BLOC1S6: variants seen among roughly 807,000 people sequenced by gnomAD.
The protein encoded by BLOC1S6 is biogenesis of lysosomal organelles complex 1 subunit 6.
Under a neutral mutation model 24.7 loss-of-function variants are expected in BLOC1S6, and 24 were observed. The observed-to-expected ratio is 0.97, with a 90% CI of 0.70 to 1.37. The LOEUF is 1.37. BLOC1S6 is among the 40% of genes most tolerant of loss of function. The probability of loss-of-function intolerance (pLI) is 0.00; values close to 1 mark genes in which losing one functional copy is unlikely to be tolerated. For synonymous variants in BLOC1S6, 76 were observed against 72.6 expected (o/e 1.05, Z -0.23); for missense variants, 175 against 196.2 (o/e 0.89, Z 0.64).
At chr15:45,602,908 C>T (rs1287432227) in intron 2 of BLOC1S6, among the ~76,000 whole-genome samples, 192 bp from the exon 3 acceptor site, 2 of 152,168 alleles carry the variant, frequency 1.3e-5, no homozygotes, top group South Asian at 2.1e-4. Flanking sequence ...ATAAAAGACA[C>T]ATTTAGTTAT....
At chr15:45,602,141 C>T (rs1894292933) in intron 2 of BLOC1S6, among the ~76,000 whole-genome samples, 1 of 152,078 alleles carries the variant, frequency 6.6e-6, no homozygotes, top group Non-Finnish European at 1.5e-5. Context: ...AGCAATCCTC[C>T]TTCCTTGGCC....
chr15:45,606,216 T>C (rs1303137506), intron 4 of BLOC1S6, among the ~76,000 whole-genome samples, 179 bp from the exon 5 acceptor site: 2 of 152,210 alleles, frequency 1.3e-5, no homozygotes, highest in East Asian at 1.9e-4. Context: ...AATAAGAGTT[T>C]AGAGCAACAA....
At chr15:45,588,009 C>A in intron 1 of BLOC1S6, 1 of 531,030 alleles carries the variant, frequency 1.9e-6, no homozygotes, top group Non-Finnish European at 3.3e-6. Context: ...CCTAAGGCAT[C>A]CATTGAATGG....
intron 1 of BLOC1S6, chr15:45,587,738 G>C (rs1893734675): frequency 2.8e-6 from 2 of 706,112 alleles, no homozygotes; most frequent in Admixed American, 4.0e-5. Context: ...GCTTTGTATT[G>C]GGGGTGCAAT....
chr15:45,596,651 T>C (rs1894089205), intron 2 of BLOC1S6, among the ~76,000 whole-genome samples: 1 of 152,006 alleles, frequency 6.6e-6, no homozygotes, highest in South Asian at 2.1e-4. Context: ...TACCATGCTG[T>C]CTTGATTTCT....
At chr15:45,589,158 A>G (rs1287883811) in intron 1 of BLOC1S6, among the ~76,000 whole-genome samples, 1 of 152,236 alleles carries the variant, frequency 6.6e-6, no homozygotes, top group Non-Finnish European at 1.5e-5. Flanking sequence ...CTATGGTAGA[A>G]TTCTATTCTG....
At chr15:45,600,075 G>A (rs1427619874) in intron 2 of BLOC1S6, among the ~76,000 whole-genome samples, 11 of 143,504 alleles carry the variant, frequency 7.7e-5, no homozygotes, top group South Asian at 2.3e-4. Context: ...GTAAACTATC[G>A]CAAGAACAAA....
chr15:45,596,336 C>T, intron 2 of BLOC1S6, among the ~76,000 whole-genome samples: 1 of 151,584 alleles, frequency 6.6e-6, no homozygotes, highest in East Asian at 2.0e-4. Context: ...TAGCTGGGAC[C>T]ACAGGCGCAC....
At chr15:45,602,232 T>A in intron 2 of BLOC1S6, 1 of 497,928 alleles carries the variant, frequency 2.0e-6, no homozygotes, top group East Asian at 3.1e-5. Flanking sequence ...TATGCCAGAC[T>A]CAGTGCTGGA....
intron 2 of BLOC1S6, among the ~76,000 whole-genome samples, chr15:45,593,049 A>G (rs1285546237): frequency 6.6e-6 from 1 of 151,858 alleles, no homozygotes; most frequent in Non-Finnish European, 1.5e-5. Flanking sequence ...CTTATTTTAT[A>G]ATTATAAGTA....
At position 45,608,889 on chromosome 15, in the gene BLOC1S6, A is replaced by G. The variant is rs1894576932; in HGVS notation, c.*2375A>G. 6.6e-6 allele frequency: 1 copy of G among 152,228 alleles called. No individual in the cohort carries two copies. Among genetic ancestry groups the G allele is most frequent in the African/African-American group, 2.4e-5 (1 of 41,464 alleles). 9.4% of individuals were successfully genotyped at this position (152,228 alleles called of 1,614,324 possible). A position where few individuals can be genotyped will look rare whatever the true frequency, so the allele number is the denominator to read the frequency against. On this transcript the variant is annotated 3_prime_UTR_variant, in exon 5 of 5. Transcript: ENST00000220531. ...AATTCTGAGCTGCTGCTTTTGATAT[A>G]GTCAGACTTAAGACTGAACCCCAGT...
rs1413665669 is a variant in BLOC1S6 at position 45,608,796 on chromosome 15, G to GT, written c.*2284dup. The stretch of plus-strand genomic sequence containing the variant: ...CTAGTATAGACTATCTATCTAGTGA[G>GT]TTGTATTATAAGCGATGAAATACTT... On this transcript the variant is annotated 3_prime_UTR_variant, in exon 5 of 5. Transcript: ENST00000220531. The GT allele has an allele frequency of 6.6e-6, 1 of 152,168 alleles. No individual in the cohort carries two copies. The allele number at this position is 152,168 out of a possible 1,614,324, so 9.4% of individuals were successfully genotyped here. A position where few individuals can be genotyped will look rare whatever the true frequency, so the allele number is the denominator to read the frequency against.
chr15:45,601,923 T>A (rs182352953), intron 2 of BLOC1S6, among the ~76,000 whole-genome samples: 71 of 152,236 alleles, frequency 4.7e-4, no homozygotes, highest in Middle Eastern at 6.8e-3. Flanking sequence ...CCCTGTCACA[T>A]AGGCTGTAGT....
chr15:45,597,200 G>T (rs1235341739), intron 2 of BLOC1S6, among the ~76,000 whole-genome samples: 1 of 152,158 alleles, frequency 6.6e-6, no homozygotes, highest in Non-Finnish European at 1.5e-5. Flanking sequence ...TGAAGGGCTG[G>T]GTGTGGTGGT....
intron 3 of BLOC1S6, 101 bp from the exon 4 acceptor site, chr15:45,605,327 A>G: frequency 1.0e-6 from 1 of 953,526 alleles, no homozygotes; most frequent in South Asian, 1.5e-5. Flanking sequence ...ATTTTGACCA[A>G]TTTAGGAAGC....
intron 3 of BLOC1S6, among the ~76,000 whole-genome samples, chr15:45,605,112 G>GCATT (rs1894401777): frequency 6.6e-6 from 1 of 152,192 alleles, no homozygotes; most frequent in South Asian, 2.1e-4. Context: ...GAAACTGATA[G>GCATT]CATTATTAGA....
intron 1 of BLOC1S6, among the ~76,000 whole-genome samples, chr15:45,588,929 G>A (rs1185147472): frequency 1.3e-5 from 2 of 152,204 alleles, no homozygotes; most frequent in Admixed American, 6.5e-5. Context: ...TTGTTGGTGG[G>A]AGTGGAAATT....
At chr15:45,594,483 A>T (rs1304407084) in intron 2 of BLOC1S6, among the ~76,000 whole-genome samples, 1 of 152,194 alleles carries the variant, frequency 6.6e-6, no homozygotes, top group Non-Finnish European at 1.5e-5. Flanking sequence ...CAGACACTGC[A>T]TTAAGGCTTC....
intron 1 of BLOC1S6, among the ~76,000 whole-genome samples, chr15:45,591,496 G>A (rs1478999016): frequency 5.9e-5 from 9 of 151,686 alleles, no homozygotes; most frequent in East Asian, 2.0e-4. Flanking sequence ...GCAGTGGTGC[G>A]ATCATAGCTC....
Sources: gnomAD v4.1 joint callset for allele counts (sites outside exome capture counted in the v4.1 genomes callset) on GRCh38, gnomAD v4.1.1 for gene constraint, MANE v1.5 for transcripts, NCBI Gene and HGNC (gene_info 2026-07-23, HGNC 2026-07-21) for gene names.